RBM4: variants seen among roughly 807,000 people sequenced by gnomAD.
The protein encoded by RBM4 is RNA-binding protein 4.
RBM4 carries 7 observed loss-of-function variants against 29.5 expected under a neutral mutation model. That is an observed-to-expected ratio of 0.24 (90% CI 0.14 to 0.45). RBM4 has a LOEUF of 0.45. RBM4 is among the 20% of genes least tolerant of loss of function. The pLI, the probability that RBM4 is intolerant of heterozygous loss-of-function variation, is 1.00. For synonymous variants in RBM4, 220 were observed against 205.4 expected (o/e 1.07, Z -0.61); for missense variants, 387 against 502.3 (o/e 0.77, Z 2.19).
At chr11:66,653,640 G>C (rs1938880353) in intron 2 of RBM4, among the ~76,000 whole-genome samples, 2 of 152,074 alleles carry the variant, frequency 1.3e-5, no homozygotes, top group Non-Finnish European at 2.9e-5. Flanking sequence ...GGGATTACAG[G>C]TGTGACCCAC....
At chr11:66,644,700 C>A (rs1394285531) in intron 3 of RBM4, 51 of 982,710 alleles carry the variant, frequency 5.2e-5, no homozygotes, top group Non-Finnish European at 5.9e-5. Context: ...TCTGACATTC[C>A]TGAACCGTTC....
At chr11:66,642,466 C>T (rs1938508921) in intron 2 of RBM4, among the ~76,000 whole-genome samples, 2 of 152,270 alleles carry the variant, frequency 1.3e-5, no homozygotes, top group East Asian at 1.9e-4. Flanking sequence ...AGAAAAGTTT[C>T]TGCTTTTATT....
downstream of RBM4, among the ~76,000 whole-genome samples, chr11:66,648,309 T>C (rs1043594765): frequency 2.0e-5 from 3 of 152,002 alleles, no homozygotes; most frequent in African/African-American, 7.3e-5. Context: ...TTGTTTGAGC[T>C]CAGGAGTTCA....
At chr11:66,651,258 A>G (rs1938825735), downstream of RBM4, among the ~76,000 whole-genome samples, 1 of 152,104 alleles carries the variant, frequency 6.6e-6, no homozygotes, top group African/African-American at 2.4e-5. Context: ...GGTAAAGGAA[A>G]TTCCCAGGAT....
Position 66,642,351 on chromosome 11 carries a change from A to G in RBM4, c.413-1099A>G, listed in dbSNP as rs1420925492. Among the ~76,000 whole-genome samples the G allele has an allele frequency of 3.9e-5, 6 of 152,324 alleles. No individual in the cohort carries two copies. The East Asian group carries it at 9.6e-4, about 24-fold the overall frequency. ...ACCAATTGCATTGGGAAGTTTTTGC[A>G]GGATTTGGATCTCTTCTGAATTTTG... On this transcript the variant is annotated intron_variant, in intron 2 of 3. Coordinates refer to ENST00000310092, the MANE Select transcript of RBM4 (RefSeq NM_002896.4).
chr11:66,640,214 C>CTA (rs1263560294), intron 2 of RBM4, 91 bp downstream of exon 2: 1 of 1,533,682 alleles, frequency 6.5e-7, no homozygotes, highest in African/African-American at 1.4e-5. Context: ...GTAAAGATAA[C>CTA]AGCTGTTGGC....
exon 3 of RBM4, chr11:66,666,401 G>A (rs766586313): frequency 1.0e-6 from 1 of 990,906 alleles, no homozygotes; most frequent in Non-Finnish European, 1.2e-6. Context: ...ATCCCCAACA[G>A]TTCTGGAGTA....
intron 2 of RBM4, among the ~76,000 whole-genome samples, chr11:66,660,479 A>G (rs993281783): frequency 6.7e-6 from 1 of 150,096 alleles, no homozygotes; most frequent in African/African-American, 2.5e-5. Context: ...AGCCTACTGA[A>G]TAGCTGGAAT....
At chr11:66,649,411 G>A (rs1332710345), downstream of RBM4, among the ~76,000 whole-genome samples, 1 of 152,216 alleles carries the variant, frequency 6.6e-6, no homozygotes, top group African/African-American at 2.4e-5. Flanking sequence ...TCTTTGTGGT[G>A]ATACGCAGCT....
Position 66,640,138 on chromosome 11 carries a change from T to G in RBM4, c.412+15T>G. The G allele has an allele frequency of 6.2e-7, 1 of 1,614,052 alleles. No individual in the cohort carries two copies. On this transcript the variant is annotated intron_variant, in intron 2 of 3. Transcript: ENST00000310092. ...AGAGTTTCAAGGTGAACCACCCTCTTTGGGTAGAGGGCTGAACACAAGGCT... is the reference window on the plus strand; with the variant it reads ...AGAGTTTCAAGGTGAACCACCCTCTGTGGGTAGAGGGCTGAACACAAGGCT...
chr11:66,660,497 T>C lies in RBM4; in HGVS notation c.413-5359T>C, dbSNP rs1440259976. Among the ~76,000 whole-genome samples, 6 of 151,130 alleles carry C rather than the reference T, an allele frequency of 4.0e-5. No homozygotes were observed. In the Admixed American group the frequency reaches 4.0e-4, roughly 10 times the overall value. ...CTACTGAATAGCTGGAATTACAGGC[T>C]TCTGCCTAATTTTTTTGTAGTTTTA... On this transcript the variant is annotated intron_variant, in intron 2 of 2. Transcript: ENST00000396053.
intron 2 of RBM4, chr11:66,640,524 T>G (rs1938400285): frequency 2.7e-6 from 1 of 375,702 alleles, no homozygotes; most frequent in East Asian, 4.1e-5. Flanking sequence ...GAAGAACCTC[T>G]CAAAAACATG....
At chr11:66,640,400 T>C in intron 2 of RBM4, 1 of 538,260 alleles carries the variant, frequency 1.9e-6, no homozygotes, top group Non-Finnish European at 3.2e-6. Context: ...TTGAAGGCTT[T>C]CTGAGTTACT....
chr11:66,663,490 G>A (rs969188001), intron 2 of RBM4, among the ~76,000 whole-genome samples: 5 of 151,854 alleles, frequency 3.3e-5, no homozygotes, highest in Non-Finnish European at 7.4e-5. Flanking sequence ...TCAGCCTCCC[G>A]AGTAGCTGGG....
intron 2 of RBM4, chr11:66,665,552 C>G: frequency 1.3e-6 from 2 of 1,527,142 alleles, no homozygotes; most frequent in Non-Finnish European, 1.8e-6. Flanking sequence ...GACCGCAGCC[C>G]GAGGGTTCAG....
intron 2 of RBM4, among the ~76,000 whole-genome samples, chr11:66,654,263 G>A (rs530867643): frequency 1.6e-4 from 25 of 151,838 alleles, no homozygotes; most frequent in African/African-American, 5.1e-4. Flanking sequence ...AGGCTGAGGC[G>A]GGCGGATCAT....
At chr11:66,651,878 G>A (rs1938839487) in intron 2 of RBM4, among the ~76,000 whole-genome samples, 1 of 151,798 alleles carries the variant, frequency 6.6e-6, no homozygotes, top group Non-Finnish European at 1.5e-5. Flanking sequence ...ATTGATGAGG[G>A]CTCTGTTCTA....
chr11:66,639,679 T>A, intron 1 of RBM4, 21 bp from the exon 2 acceptor site: 2 of 1,605,388 alleles, frequency 1.2e-6, no homozygotes, highest in South Asian at 2.2e-5. Flanking sequence ...TTTTGTCAGA[T>A]GTCTTGTTTT....
intron 1 of RBM4, chr11:66,639,113 G>C (rs547812566): frequency 6.6e-6 from 1 of 152,368 alleles, no homozygotes; most frequent in Non-Finnish European, 1.5e-5. Flanking sequence ...TTCCGCGGCC[G>C]CGCATTTCAG....
Sources: allele counts gnomAD v4.1 joint callset (sites outside exome capture counted in the v4.1 genomes callset), GRCh38; gene constraint gnomAD v4.1.1; transcripts MANE v1.5; gene names NCBI Gene and HGNC (gene_info 2026-07-23, HGNC 2026-07-21).